Variants in IPO7 observed in about 807,000 individuals in gnomAD.
IPO7 encodes the protein importin 7.
In IPO7, 13 loss-of-function variants were observed where a neutral mutation model predicts 136.4. The observed-to-expected ratio is 0.10, with a 90% CI of 0.06 to 0.15. The LOEUF is 0.15. IPO7 is among the 10% of genes least tolerant of loss of function. IPO7 has a pLI of 1.00. For synonymous variants in IPO7, 403 were observed against 404.4 expected (o/e 1.00, Z 0.04); for missense variants, 857 against 1,240.6 (o/e 0.69, Z 4.65).
chr11:9,414,146 T>C, intron 4 of IPO7, 109 bp from the exon 5 acceptor site: 1 of 763,154 alleles, frequency 1.3e-6, no homozygotes, highest in Non-Finnish European at 2.0e-6. Flanking sequence ...TTTTTCTAAA[T>C]TGGTTAAGAA....
At chr11:9,435,087 A>G in intron 19 of IPO7, 56 bp downstream of exon 19, 1 of 1,068,594 alleles carries the variant, frequency 9.4e-7, no homozygotes, top group Non-Finnish European at 1.4e-6. Flanking sequence ...AATGTATGAA[A>G]TTGTGAAAAC....
intron 24 of IPO7, among the ~76,000 whole-genome samples, chr11:9,444,290 T>TAAAAAC (rs71062851): frequency 0.49 from 73,150 of 149,564 alleles, 18,054 homozygotes; most frequent in African/African-American, 0.52. Flanking sequence ...AAAAAAAAAA[T>TAAAAAC]AAACAAAAGT....
intron 1 of IPO7, among the ~76,000 whole-genome samples, chr11:9,398,837 A>G (rs150719645): frequency 1.3e-5 from 2 of 152,334 alleles, no homozygotes; most frequent in East Asian, 3.9e-4. Context: ...CACTAGTTCT[A>G]TCTAGCTGTG....
intron 16 of IPO7, among the ~76,000 whole-genome samples, chr11:9,431,967 A>G (rs931905392): frequency 1.3e-5 from 2 of 152,120 alleles, no homozygotes; most frequent in African/African-American, 4.8e-5. Context: ...AGAGTGAGAC[A>G]CTGTGTCAGA....
At chr11:9,436,222 T>A (rs756973985) in intron 19 of IPO7, 49 bp from the exon 20 acceptor site, 4 of 1,296,730 alleles carry the variant, frequency 3.1e-6, no homozygotes, top group Non-Finnish European at 4.5e-6. Flanking sequence ...TTTAGATACC[T>A]GATTTAAAGG....
chr11:9,401,192 A>G (rs1854790419), intron 1 of IPO7, among the ~76,000 whole-genome samples: 1 of 152,132 alleles, frequency 6.6e-6, no homozygotes, highest in Admixed American at 6.5e-5. Context: ...AAAAAAAAAA[A>G]AAGAAGATAC....
chr11:9,408,206 A>C (rs1013472537), intron 2 of IPO7, among the ~76,000 whole-genome samples: 2 of 152,146 alleles, frequency 1.3e-5, no homozygotes, highest in Non-Finnish European at 2.9e-5. Context: ...ACAGGGTTAA[A>C]AGTGTTGTGA....
At chr11:9,435,585 C>T (rs997629393) in intron 19 of IPO7, among the ~76,000 whole-genome samples, 2 of 152,126 alleles carry the variant, frequency 1.3e-5, no homozygotes, top group Admixed American at 6.6e-5. Flanking sequence ...TTTCTGAACA[C>T]GAAGTCACAC....
intron 1 of IPO7, among the ~76,000 whole-genome samples, chr11:9,393,780 G>A (rs986062239): frequency 6.6e-6 from 1 of 152,160 alleles, no homozygotes; most frequent in African/African-American, 2.4e-5. Context: ...AAAGAAAGGG[G>A]TGTTGATACT....
At chr11:9,403,396 T>A in intron 2 of IPO7, 25 bp downstream of exon 2, 1 of 1,510,940 alleles carries the variant, frequency 6.6e-7, no homozygotes, top group Non-Finnish European at 9.2e-7. Flanking sequence ...TTATATTGAG[T>A]GTATGTAATC....
At chr11:9,426,271 T>C (rs1855205933) in intron 12 of IPO7, among the ~76,000 whole-genome samples, 1 of 152,222 alleles carries the variant, frequency 6.6e-6, no homozygotes, top group Non-Finnish European at 1.5e-5. Context: ...TGGAATCATA[T>C]AATACGTAGC....
At chr11:9,409,829 G>T in intron 3 of IPO7, 99 bp from the exon 4 acceptor site, 1 of 866,068 alleles carries the variant, frequency 1.2e-6, no homozygotes. Context: ...GGGTTATTTT[G>T]AAATTAGATT....
chr11:9,430,645 C>T (rs1369162707), intron 15 of IPO7: 1 of 452,792 alleles, frequency 2.2e-6, no homozygotes, highest in African/African-American at 2.0e-5. Context: ...ATGAAATCCC[C>T]GAAGTGGCAT....
At chr11:9,385,732 T>C (rs1026458046) in intron 1 of IPO7, among the ~76,000 whole-genome samples, 2 of 152,204 alleles carry the variant, frequency 1.3e-5, no homozygotes, top group African/African-American at 4.8e-5. Flanking sequence ...AAGGTTTTTT[T>C]TTTCCCCCAT....
At chr11:9,407,338 G>A (rs1035370051) in intron 2 of IPO7, among the ~76,000 whole-genome samples, 2 of 152,156 alleles carry the variant, frequency 1.3e-5, no homozygotes, top group Non-Finnish European at 2.9e-5. Flanking sequence ...GGTGGATCAC[G>A]AGGTCAGGAG....
At chr11:9,435,518 C>T (rs968437895) in intron 19 of IPO7, among the ~76,000 whole-genome samples, 3 of 152,144 alleles carry the variant, frequency 2.0e-5, no homozygotes, top group Non-Finnish European at 4.4e-5. Context: ...TGTTGTAGGT[C>T]GTTAGAAAAT....
chr11:9,403,244 G>T, intron 1 of IPO7, 46 bp from the exon 2 acceptor site: 1 of 1,262,314 alleles, frequency 7.9e-7, no homozygotes. Context: ...TAATTTTAAA[G>T]TATATTTATT....
intron 19 of IPO7, among the ~76,000 whole-genome samples, chr11:9,435,608 T>C (rs1423018547): frequency 2.6e-5 from 4 of 152,208 alleles, no homozygotes; most frequent in Non-Finnish European, 5.9e-5. Context: ...AATCATCTAG[T>C]TATGTTAGTC....
At chr11:9,414,586 TC>T (rs1855013379) in intron 5 of IPO7, 175 bp downstream of exon 5, 1 of 287,910 alleles carries the variant, frequency 3.5e-6, no homozygotes, top group Admixed American at 5.3e-5. Flanking sequence ...CAAGCATACT[TC>T]CTCCCCAAAT....
Sources: allele counts gnomAD v4.1 joint callset (sites outside exome capture counted in the v4.1 genomes callset), GRCh38; gene constraint gnomAD v4.1.1; transcripts MANE v1.5; gene names NCBI Gene and HGNC (gene_info 2026-07-23, HGNC 2026-07-21).